Variants in CCDC34 observed in about 807,000 individuals in gnomAD.
CCDC34 encodes the protein coiled-coil domain containing 34.
CCDC34 carries 40 observed loss-of-function variants against 44.1 expected under a neutral mutation model. The ratio of observed to expected loss-of-function variants is 0.91; its 90% confidence interval spans 0.70 to 1.18. The LOEUF is 1.18. Among genes scored for constraint, CCDC34 ranks in the 50% most tolerant of loss-of-function variants. The pLI, the probability that CCDC34 is intolerant of heterozygous loss-of-function variation, is 0.00. For synonymous variants in CCDC34, 159 were observed against 158.2 expected (o/e 1.01, Z -0.04); for missense variants, 466 against 452.3 (o/e 1.03, Z -0.28).
chr11:27,340,448 T>A (rs932968585), intron 5 of CCDC34, among the ~76,000 whole-genome samples: 2 of 152,224 alleles, frequency 1.3e-5, no homozygotes, highest in Non-Finnish European at 2.9e-5. Context: ...TTCTTAATGT[T>A]ACAAATCACT....
In CCDC34 at chr11:27,341,426, T is replaced by C. The variant is rs771674483; in HGVS notation, c.731A>G (p.Asn244Ser). Residue 244 changes from asparagine (N) to serine (S), a missense_variant, in exon 4 of 6, where the codon AAT becomes AGT. Asn to Ser is a conservative substitution (Grantham distance 46). Transcript: ENST00000328697. Reference protein sequence around the residue: ...EKYQEWLKKKNAEECERKKKE... With the variant: ...EKYQEWLKKKSAEECERKKKE... ...CTTCTTCCTCTCACATTCTTCAGCA[T>C]TTTTTTTCTTTAACCATTCTTGATA... The C allele has an allele frequency of 2.1e-6, 3 of 1,449,680 alleles. No homozygotes were observed. The highest frequency in any genetic ancestry group is 4.8e-5 in the East Asian group (2 of 41,624). 89.8% of individuals were successfully genotyped at this position (1,449,680 alleles called of 1,614,324 possible).
chr11:27,358,964 C>T (rs1188044175), intron 1 of CCDC34, among the ~76,000 whole-genome samples: 1 of 114,484 alleles, frequency 8.7e-6, no homozygotes, highest in Non-Finnish European at 1.9e-5. Flanking sequence ...GTGGACCCCC[C>T]CCCCCCACCG....
chr11:27,355,638 G>A lies in CCDC34; in HGVS notation c.498+1765C>T, dbSNP rs1272604384. ...ACAGGTATTATTTTATTCCTCTTAA[G>A]CAGACGAGAAAATAGAAACATAAAA... On this transcript the variant is annotated intron_variant, in intron 2 of 5. Coordinates refer to ENST00000328697, the MANE Select transcript of CCDC34 (RefSeq NM_030771.2). Among the ~76,000 whole-genome samples the A allele has an allele frequency of 3.3e-5, 5 of 152,160 alleles. No individual in the cohort carries two copies. In the East Asian group the frequency reaches 9.6e-4, roughly 29 times the overall value.
intron 3 of CCDC34, chr11:27,349,696 A>C: frequency 1.0e-6 from 1 of 981,304 alleles, no homozygotes; most frequent in Non-Finnish European, 1.2e-6. Context: ...GAAAAAATGC[A>C]GCCATTCAAT....
At chr11:27,356,268 G>A (rs957445683) in intron 2 of CCDC34, among the ~76,000 whole-genome samples, 3 of 151,606 alleles carry the variant, frequency 2.0e-5, no homozygotes, top group South Asian at 2.1e-4. Flanking sequence ...CACCTGCCTC[G>A]GCCTCCCAAA....
chr11:27,358,932 T>A (rs1862617448), intron 1 of CCDC34, among the ~76,000 whole-genome samples: 1 of 143,880 alleles, frequency 7.0e-6, no homozygotes. Context: ...GCTCTTTGAC[T>A]CCACCTGCTC....
chr11:27,349,337 T>C, intron 3 of CCDC34: 1 of 897,608 alleles, frequency 1.1e-6, no homozygotes, highest in Non-Finnish European at 1.3e-6. Context: ...AATTGACTTC[T>C]AAACAAATAT....
At chr11:27,345,704 G>C (rs1862423186) in intron 3 of CCDC34, among the ~76,000 whole-genome samples, 1 of 152,080 alleles carries the variant, frequency 6.6e-6, no homozygotes, top group South Asian at 2.1e-4. Context: ...ATTTGGGTTG[G>C]TTCCAAGTCT....
At chr11:27,358,966 C>CG (rs1208578430) in intron 1 of CCDC34, among the ~76,000 whole-genome samples, 41 of 119,012 alleles carry the variant, frequency 3.4e-4, no homozygotes, top group African/African-American at 1.1e-3. Flanking sequence ...GGACCCCCCC[C>CG]CCCCACCGCC....
Position 27,349,353 on chromosome 11 carries a change from T to C in CCDC34, c.606+979A>G, listed in dbSNP as rs1430559012. ...ATTGACTTCTAAACAAATATGGTTA[T>C]AACACACATACATCTAACCAATTTC... On this transcript the variant is annotated intron_variant, in intron 3 of 5. Transcript: ENST00000328697. 4 of 888,686 alleles carry C rather than the reference T, an allele frequency of 4.5e-6. No homozygotes were observed. The African/African-American group carries it at 7.2e-5, about 16-fold the overall frequency. 55.1% of individuals were successfully genotyped at this position (888,686 alleles called of 1,614,324 possible).
chr11:27,357,171 AT>A (rs1408415873), intron 2 of CCDC34, among the ~76,000 whole-genome samples: 3 of 152,196 alleles, frequency 2.0e-5, no homozygotes, highest in Non-Finnish European at 2.9e-5. Context: ...AGACAGTGAA[AT>A]TAGAAGAGAT....
intron 3 of CCDC34, among the ~76,000 whole-genome samples, chr11:27,342,320 C>T (rs940088623): frequency 1.4e-5 from 2 of 145,536 alleles, no homozygotes; most frequent in East Asian, 3.9e-4. Context: ...TATATATACA[C>T]ACACACACAC....
chr11:27,348,872 A>C (rs1422667807), intron 3 of CCDC34: 1 of 975,200 alleles, frequency 1.0e-6, no homozygotes, highest in Non-Finnish European at 1.2e-6. Context: ...GAACAGGTAA[A>C]TATAACGTCT....
chr11:27,361,999 A>T (rs1565063825), intron 1 of CCDC34, among the ~76,000 whole-genome samples: 2 of 152,206 alleles, frequency 1.3e-5, no homozygotes. Flanking sequence ...AGTTTAGGAA[A>T]GAGAACATGA....
At chr11:27,341,232 T>C (rs1346655488) in intron 4 of CCDC34, among the ~76,000 whole-genome samples, 160 bp downstream of exon 4, 1 of 152,180 alleles carries the variant, frequency 6.6e-6, no homozygotes, top group Non-Finnish European at 1.5e-5. Context: ...CAAATGCATA[T>C]TCATTTTTGA....
chr11:27,343,997 C>T (rs751365970), intron 3 of CCDC34, among the ~76,000 whole-genome samples: 12 of 151,950 alleles, frequency 7.9e-5, no homozygotes, highest in South Asian at 4.2e-4. Flanking sequence ...AAAATGAATT[C>T]GAGAAAAAGT....
intron 5 of CCDC34, among the ~76,000 whole-genome samples, chr11:27,339,951 G>A (rs76010235): frequency 7.4e-4 from 112 of 151,194 alleles, no homozygotes; most frequent in African/African-American, 1.7e-3. Flanking sequence ...AAGAAGGAGC[G>A]GGACATGCTC....
chr11:27,350,644 T>C (rs1174191991), intron 2 of CCDC34, among the ~76,000 whole-genome samples: 2 of 152,368 alleles, frequency 1.3e-5, no homozygotes, highest in Non-Finnish European at 2.9e-5. Flanking sequence ...TTTTTAGAAA[T>C]GTGCAAATAA....
chr11:27,358,970 C>CG (rs1280762240), intron 1 of CCDC34, among the ~76,000 whole-genome samples: 5 of 117,788 alleles, frequency 4.2e-5, no homozygotes, highest in Admixed American at 2.6e-4. Flanking sequence ...CCCCCCCCCC[C>CG]ACCGCCACCA....
Sources: gnomAD v4.1 joint callset for allele counts (sites outside exome capture counted in the v4.1 genomes callset) on GRCh38, gnomAD v4.1.1 for gene constraint, MANE v1.5 for transcripts, NCBI Gene and HGNC (gene_info 2026-07-23, HGNC 2026-07-21) for gene names.